The following SUFU variants were observed in gnomAD, a reference collection of about 807,000 sequenced individuals.
SUFU encodes the protein SUFU negative regulator of hedgehog signaling.
Under a neutral mutation model 58.9 loss-of-function variants are expected in SUFU, and 7 were observed. That is an observed-to-expected ratio of 0.12 (90% CI 0.07 to 0.22). The LOEUF (loss-of-function observed/expected upper bound fraction) is 0.22. Among genes scored for constraint, SUFU ranks in the 10% least tolerant of loss-of-function variants. The pLI is 1.00. For missense variants in SUFU, 451 were observed against 641.3 expected (o/e 0.70, Z 3.20); for synonymous variants, 232 against 254.8 (o/e 0.91, Z 0.85).
chr10:102,510,218 A>G (rs1259689326), intron 2 of SUFU, among the ~76,000 whole-genome samples: 1 of 150,328 alleles, frequency 6.7e-6, no homozygotes, highest in African/African-American at 2.4e-5. Context: ...GCTACCAACT[A>G]TTTTTTTTAG....
At chr10:102,515,333 T>TC (rs1366276680) in intron 2 of SUFU, among the ~76,000 whole-genome samples, 4 of 151,404 alleles carry the variant, frequency 2.6e-5, no homozygotes, top group Non-Finnish European at 4.4e-5. Context: ...TTTTTTTTTT[T>TC]TGAGACGGAG....
At chr10:102,563,397 G>A (rs2063058167) in intron 3 of SUFU, among the ~76,000 whole-genome samples, 1 of 152,128 alleles carries the variant, frequency 6.6e-6, no homozygotes, top group African/African-American at 2.4e-5. Context: ...AGGGAGAGGC[G>A]AGGGCTCAGG....
chr10:102,572,212 C>T (rs184326839), intron 3 of SUFU, among the ~76,000 whole-genome samples: 70 of 150,290 alleles, frequency 4.7e-4, no homozygotes, highest in Admixed American at 1.0e-3. Context: ...ATTACAGGCA[C>T]CGGCCACCAC....
chr10:102,511,138 GTAA>G (rs55690435), intron 2 of SUFU, among the ~76,000 whole-genome samples: 50,076 of 143,582 alleles, frequency 0.35, 8,900 homozygotes, highest in African/African-American at 0.4. Context: ...AAAAAAAAAA[GTAA>G]TAATAATAAT....
In SUFU at chr10:102,593,647, C is replaced by T. The variant is rs1267238528; in HGVS notation, c.609C>T (p.Val203=). The T allele has an allele frequency of 6.2e-7, 1 of 1,614,086 alleles. No homozygotes were observed. The highest frequency in any genetic ancestry group is 1.3e-5 in the African/African-American group (1 of 74,922). The change falls in exon 5 of 12, where the codon GTC becomes GTT. Residue 203 remains valine, a synonymous_variant. Transcript: ENST00000369902. The part of the protein sequence containing the change: ...GVVTFLQIVG[V]CTEELHSAQQ... ...ATCCTGGGCCTCAGATCGTTGGTGT[C>T]TGCACTGAAGAGCTACACTCAGCCC...
At chr10:102,567,006 C>CTTT (rs1175563323) in intron 3 of SUFU, among the ~76,000 whole-genome samples, 20,351 of 64,622 alleles carry the variant, frequency 0.31, 7,206 homozygotes, top group East Asian at 0.55. Flanking sequence ...GAAACAGGCT[C>CTTT]TTTTTTTTTT....
Position 102,617,179 on chromosome 10 carries a change from A to C in SUFU, c.1158-111A>C, listed in dbSNP as rs2063695089. On this transcript the variant is annotated intron_variant, in intron 9 of 11. Transcript: ENST00000369902. The surrounding 1 kb of genome is among the most constrained non-coding windows in gnomAD (Gnocchi z 4.4). ...AGGTGGGCAGCCAGGAGGGCATGTT[A>C]CCTGGCCCGCGGACCATAGTCCCCA... 1.4e-6 allele frequency: 2 copies of C among 1,448,520 alleles called. No homozygotes were observed. The highest frequency in any genetic ancestry group is 2.3e-5 in the South Asian group (2 of 86,412). The allele number at this position is 1,448,520 out of a possible 1,614,324, so 89.7% of individuals were successfully genotyped here. A position where few individuals can be genotyped will look rare whatever the true frequency, so the allele number is the denominator to read the frequency against.
At chr10:102,503,140 T>C (rs1370551573), upstream of SUFU, among the ~76,000 whole-genome samples, 1 of 152,236 alleles carries the variant, frequency 6.6e-6, no homozygotes, top group African/African-American at 2.4e-5. Flanking sequence ...TGTAAGACTT[T>C]AATAAACATC....
chr10:102,610,048 G>T (rs192523674), intron 8 of SUFU, among the ~76,000 whole-genome samples: 1 of 151,980 alleles, frequency 6.6e-6, no homozygotes, highest in East Asian at 1.9e-4. Context: ...TCCAAAGACC[G>T]CTAAGTGGAC....
intron 10 of SUFU, among the ~76,000 whole-genome samples, chr10:102,621,156 G>C (rs989054100): frequency 9.9e-5 from 15 of 152,188 alleles, no homozygotes; most frequent in Non-Finnish European, 1.5e-4. Context: ...TGTAGAAGAT[G>C]ACTTGGGAAT....
chr10:102,519,681 A>G (rs2062523792), intron 2 of SUFU, among the ~76,000 whole-genome samples: 1 of 152,242 alleles, frequency 6.6e-6, no homozygotes, highest in Non-Finnish European at 1.5e-5. Flanking sequence ...GGATGTGCCC[A>G]GCATCTCAGT....
At chr10:102,520,634 G>A (rs1413514425) in intron 2 of SUFU, among the ~76,000 whole-genome samples, 1 of 151,988 alleles carries the variant, frequency 6.6e-6, no homozygotes, top group East Asian at 1.9e-4. Flanking sequence ...TCCCTCCCCC[G>A]AAACCCCTGG....
chr10:102,626,858 A>T (rs2063790901), intron 10 of SUFU, among the ~76,000 whole-genome samples: 1 of 150,356 alleles, frequency 6.7e-6, no homozygotes, highest in Non-Finnish European at 1.5e-5. Context: ...TCTTCCTGAG[A>T]TTCCTTTTTA....
At chr10:102,533,167 C>G (rs1177437716) in intron 2 of SUFU, among the ~76,000 whole-genome samples, 13 of 152,042 alleles carry the variant, frequency 8.6e-5, no homozygotes, top group South Asian at 2.1e-4. Context: ...TTTTTTAGTT[C>G]CTATTGCTGC....
chr10:102,583,451 C>T (rs920454425), intron 3 of SUFU, among the ~76,000 whole-genome samples: 9 of 152,188 alleles, frequency 5.9e-5, no homozygotes, highest in Non-Finnish European at 1.0e-4. Context: ...CACCTGGGCC[C>T]GACTCCCTTT....
At position 102,599,495 on chromosome 10, in the gene SUFU, C is replaced by T; in HGVS notation, c.973C>T (p.Pro325Ser). ...CGAGATCAACAGCAAACCTGTCCTTCCACCAATCAACCCTCAGCGGCAGAA... is the reference window on the plus strand; with the variant it reads ...CGAGATCAACAGCAAACCTGTCCTTTCACCAATCAACCCTCAGCGGCAGAA... ...GLEINSKPVL[P>S]PINPQRQNGL... Residue 325 changes from proline to serine, a missense_variant, in exon 8 of 12, where the codon CCA (proline) becomes TCA (serine). Physicochemically the swap from Pro to Ser is moderately conservative, Grantham distance 74 (BLOSUM62 -1). Transcript: ENST00000369902. 1 of 1,614,228 alleles carries T rather than the reference C, an allele frequency of 6.2e-7. No homozygotes were observed. Among genetic ancestry groups the T allele is most frequent in the Non-Finnish European group, 8.5e-7 (1 of 1,180,042 alleles).
At chr10:102,548,774 C>T (rs553928789) in intron 2 of SUFU, among the ~76,000 whole-genome samples, 1 of 152,150 alleles carries the variant, frequency 6.6e-6, no homozygotes, top group African/African-American at 2.4e-5. Flanking sequence ...AAGTCCCTTT[C>T]AGGGACTTCC....
intron 1 of SUFU, among the ~76,000 whole-genome samples, chr10:102,506,390 T>G (rs2062327431): frequency 6.6e-6 from 1 of 152,150 alleles, no homozygotes; most frequent in African/African-American, 2.4e-5. Context: ...TACTTTCTTT[T>G]TTTTTTGAGA....
At chr10:102,562,413 A>G (rs1052537879) in intron 3 of SUFU, among the ~76,000 whole-genome samples, 1 of 151,896 alleles carries the variant, frequency 6.6e-6, no homozygotes, top group South Asian at 2.1e-4. Context: ...AGTCCCAGCT[A>G]TCGGGAGGCT....
Sources: allele counts gnomAD v4.1 joint callset (sites outside exome capture counted in the v4.1 genomes callset), GRCh38; gene constraint gnomAD v4.1.1; non-coding constraint Gnocchi (gnomAD v3.1); transcripts MANE v1.5; gene names NCBI Gene and HGNC (gene_info 2026-07-23, HGNC 2026-07-21).